ZNF180: variants seen among roughly 807,000 people sequenced by gnomAD.
ZNF180 encodes the protein zinc finger protein 180 (HHZ168).
In ZNF180, 11 loss-of-function variants were observed where a neutral mutation model predicts 11.8. The observed-to-expected ratio is 0.93, with a 90% confidence interval of 0.59 to 1.55. ZNF180 has a LOEUF of 1.55. Among genes scored for constraint, ZNF180 ranks in the 40% most tolerant of loss-of-function variants. The pLI is 0.00. For synonymous variants in ZNF180, 287 were observed against 257.7 expected, an observed-to-expected ratio of 1.11 and a Z score of -1.09; for missense variants, 773 against 781.7, an observed-to-expected ratio of 0.99 and a Z score of 0.13.
At chr19:44,499,029 C>G (rs1045696683) in intron 1 of ZNF180, among the ~76,000 whole-genome samples, 1 of 152,210 alleles carries the variant, frequency 6.6e-6, no homozygotes, top group Non-Finnish European at 1.5e-5. Context: ...TGTGTCTCAA[C>G]CTGCCTGGGA....
chr19:44,480,524 G>A (rs1007457317), intron 3 of ZNF180, among the ~76,000 whole-genome samples: 37 of 152,176 alleles, frequency 2.4e-4, no homozygotes, highest in African/African-American at 8.4e-4. Flanking sequence ...AGAGTTTACT[G>A]ATGAAACAAC....
chr19:44,479,182 G>T, intron 4 of ZNF180, 101 bp downstream of exon 4: 4 of 1,446,340 alleles, frequency 2.8e-6, no homozygotes, highest in Non-Finnish European at 3.7e-6. Context: ...TCTAGATGCA[G>T]CCAAAATCAT....
rs775587519 is a variant in ZNF180, at chr19:44,477,846, G to A, written c.554C>T (p.Pro185Leu). ...NSSLFSSPVI[P>L]IRNHFHKHVS... ...ATGTTTATGAAAATGGTTTCTTATG[G>A]GTATAACTGGGGATGAAAATAGACT... The change falls in exon 5 of 5, where the codon CCC becomes CTC. Residue 185 changes from proline (P) to leucine (L), a missense_variant. Physicochemically the swap from Pro to Leu is moderately conservative, Grantham distance 98. Transcript: ENST00000592529. 3 of 1,613,672 alleles carry A rather than the reference G, an allele frequency of 1.9e-6. No homozygotes were observed. The highest frequency in any genetic ancestry group is 2.2e-5 in the East Asian group (1 of 44,872).
At chr19:44,497,444 A>C in intron 1 of ZNF180, 67 bp from the exon 2 acceptor site, 3 of 1,452,696 alleles carry the variant, frequency 2.1e-6, no homozygotes, top group Non-Finnish European at 2.7e-6. Flanking sequence ...CCCCACCCCC[A>C]TTAGCCCCTG....
Position 44,500,184 on chromosome 19 carries a change from C to T in ZNF180, c.-44+91G>A, listed in dbSNP as rs115465819. On this transcript the variant is annotated intron_variant, in intron 1 of 4. Transcript: ENST00000592529. ...GCCACCCGCACAGATACCAGGTCTC[C>T]CCGCTACACTCACCACCGCTTCCAG... The T allele has an allele frequency of 7.8e-4, 1,262 of 1,614,156 alleles. 8 individuals carry two copies. The African/African-American group carries it at 0.015, about 19-fold the overall frequency.
In ZNF180 at chr19:44,477,158, C is replaced by T. The variant is rs954314; in HGVS notation, c.1242G>A (p.Gln414=). 1,125,628 of 1,613,934 alleles carry T rather than the reference C, an allele frequency of 0.7. 398,225 individuals carry two copies. Among genetic ancestry groups the T allele is most frequent in the East Asian group, 1 (44,841 of 44,884 alleles). The change falls in exon 5 of 5, where the codon CAG becomes CAA. Residue 414 remains glutamine (Q), a synonymous_variant. Coordinates refer to ENST00000592529, the MANE Select transcript of ZNF180 (RefSeq NM_001278509.3). ...AGCTCTGCCTGAATGACTTTCCACA[C>T]TGATTGCATTCATAAGGCTTCTCCC... is the stretch of plus-strand genomic sequence containing the variant. ...HTGEKPYECN[Q]CGKSFRQSYK...
intron 2 of ZNF180, among the ~76,000 whole-genome samples, chr19:44,486,038 G>A (rs1970219880): frequency 6.6e-6 from 1 of 152,098 alleles, no homozygotes; most frequent in South Asian, 2.1e-4. Flanking sequence ...AGATGGGAAG[G>A]GAGACTAAAT....
At chr19:44,478,843 T>C (rs1265700014) in intron 4 of ZNF180, among the ~76,000 whole-genome samples, 1 of 152,194 alleles carries the variant, frequency 6.6e-6, no homozygotes, top group Admixed American at 6.5e-5. Context: ...TGGCATCTTC[T>C]ATGCGGATTT....
Position 44,500,371 on chromosome 19 carries a change from C to G in ZNF180, c.-140G>C. 3.4e-6 allele frequency: 4 copies of G among 1,169,722 alleles called. No homozygotes were observed. The highest frequency in any genetic ancestry group is 5.0e-6 in the Non-Finnish European group (4 of 798,872). The allele number at this position is 1,169,722 out of a possible 1,614,324, so 72.5% of individuals were successfully genotyped here. On this transcript the variant is annotated 5_prime_UTR_variant, in exon 1 of 5. Transcript: ENST00000592529. The stretch of plus-strand genomic sequence containing the variant: ...GGACGAACTCGGGTTAGGCAACCCC[C>G]TGCCCCGATTCTGCAACACGGCCGA...
At chr19:44,479,578 G>C (rs1970026167) in intron 3 of ZNF180, 169 bp from the exon 4 acceptor site, 1 of 803,636 alleles carries the variant, frequency 1.2e-6, no homozygotes, top group Admixed American at 2.9e-5. Flanking sequence ...CCTTCTGGGT[G>C]AGCTCTTTGG....
chr19:44,495,082 C>A lies in ZNF180; in HGVS notation c.51+2202G>T, dbSNP rs1472486678. On this transcript the variant is annotated intron_variant, in intron 2 of 4. Transcript: ENST00000592529. This position sits in a 1 kb window ranked among gnomAD's most constrained non-coding sequence, Gnocchi z 4.5. ...AATAAAACCTCCAATTCCCACTGCA[C>A]ACCAGAGTCCACTCAAATGTTCTTT... Among the ~76,000 whole-genome samples, 1 of 152,188 alleles carries A rather than the reference C, an allele frequency of 6.6e-6. No homozygotes were observed. Among genetic ancestry groups the A allele is most frequent in the Non-Finnish European group, 1.5e-5 (1 of 68,018 alleles).
In ZNF180 at chr19:44,500,520, T is replaced by G; in HGVS notation, c.-289A>C. ...CCGCGCGCGGGACAATGGCTGCTCTTGTGGCCGAACCCGGAAGTGCACTTG... is the reference window on the plus strand; with the variant it reads ...CCGCGCGCGGGACAATGGCTGCTCTGGTGGCCGAACCCGGAAGTGCACTTG... On this transcript the variant is annotated 5_prime_UTR_variant, in exon 1 of 5. Coordinates refer to ENST00000592529, the MANE Select transcript of ZNF180 (RefSeq NM_001278509.3). 1 of 509,614 alleles carries G rather than the reference T, an allele frequency of 2.0e-6. No homozygotes were observed. 31.6% of individuals were successfully genotyped at this position (509,614 alleles called of 1,614,324 possible).
rs1228965200 is a variant in ZNF180, at chr19:44,476,157, T to TTCATAGGAATATGTCATAAGAATCA, written c.*220_*244dup. ...AGGAAAAGTGCCAGTATTTATTATT[T>TTCATAGGAATATGTCATAAGAATCA]TCATAGGAATATGTCATAAGAATCA... On this transcript the variant is annotated 3_prime_UTR_variant, in exon 5 of 5. Coordinates refer to ENST00000592529, the MANE Select transcript of ZNF180 (RefSeq NM_001278509.3). The TTCATAGGAATATGTCATAAGAATCA allele has an allele frequency of 1.1e-5, 4 of 373,594 alleles. No individual in the cohort carries two copies. The highest frequency in any genetic ancestry group is 8.4e-5 in the African/African-American group (4 of 47,836). The allele number at this position is 373,594 out of a possible 1,614,324, so 23.1% of individuals were successfully genotyped here. A position where few individuals can be genotyped will look rare whatever the true frequency, so the allele number is the denominator to read the frequency against.
chr19:44,490,801 C>A (rs1256253872), intron 2 of ZNF180, among the ~76,000 whole-genome samples: 3 of 152,208 alleles, frequency 2.0e-5, no homozygotes, highest in African/African-American at 7.2e-5. Context: ...TATGGTTGCA[C>A]CTCCTCTTGA....
intron 1 of ZNF180, among the ~76,000 whole-genome samples, chr19:44,499,047 G>A (rs937425166): frequency 6.6e-6 from 1 of 152,124 alleles, no homozygotes; most frequent in African/African-American, 2.4e-5. Flanking sequence ...GGACATCTCA[G>A]GTACCCACAG....
rs1178487238 is a variant in ZNF180, at chr19:44,500,499, G to C, written c.-268C>G. 1.3e-5 allele frequency: 7 copies of C among 545,998 alleles called. No individual in the cohort carries two copies. Among genetic ancestry groups the C allele is most frequent in the Non-Finnish European group, 2.3e-5 (7 of 307,362 alleles). 33.8% of individuals were successfully genotyped at this position (545,998 alleles called of 1,614,324 possible). A position where few individuals can be genotyped will look rare whatever the true frequency, so the allele number is the denominator to read the frequency against. On this transcript the variant is annotated 5_prime_UTR_variant, in exon 1 of 5. Transcript: ENST00000592529. ...CTGCTCGGCGACAGCAAGCGTCCGC[G>C]CGCGGGACAATGGCTGCTCTTGTGG...
At chr19:44,496,320 A>G (rs1318096757) in intron 2 of ZNF180, among the ~76,000 whole-genome samples, 2 of 152,068 alleles carry the variant, frequency 1.3e-5, no homozygotes, top group Admixed American at 6.5e-5. Flanking sequence ...TGCTTGGCCA[A>G]TTGTCAATAT....
rs1568418329 is a variant in ZNF180, at chr19:44,474,464, T to C, written c.*1938A>G. The C allele has an allele frequency of 6.6e-6, 1 of 152,192 alleles. No homozygotes were observed. Among genetic ancestry groups the C allele is most frequent in the African/African-American group, 2.4e-5 (1 of 41,420 alleles). The allele number at this position is 152,192 out of a possible 1,614,324, so 9.4% of individuals were successfully genotyped here. On this transcript the variant is annotated 3_prime_UTR_variant, in exon 5 of 5. Transcript: ENST00000592529. ...TATATTTTTTATTTTTACTTTATTT[T>C]CTAGGTCTCATCATAGCTCATATAT...
intron 2 of ZNF180, among the ~76,000 whole-genome samples, chr19:44,489,756 A>G (rs2123481592): frequency 6.7e-6 from 1 of 148,926 alleles, no homozygotes; most frequent in Admixed American, 6.7e-5. Context: ...GAAAAAAAGA[A>G]AAAAAAAAGA....
Sources: gnomAD v4.1 joint callset for allele counts (sites outside exome capture counted in the v4.1 genomes callset) on GRCh38, gnomAD v4.1.1 for gene constraint, Gnocchi (gnomAD v3.1) non-coding constraint, MANE v1.5 for transcripts, NCBI Gene and HGNC (gene_info 2026-07-23, HGNC 2026-07-21) for gene names.